NRG1: variants seen among roughly 807,000 people sequenced by gnomAD.
NRG1 encodes neuregulin 1.
NRG1 carries 18 observed loss-of-function variants against 63.8 expected under a neutral mutation model. The ratio of observed to expected loss-of-function variants is 0.28; its 90% CI spans 0.19 to 0.42. NRG1 has a LOEUF of 0.42. Among genes scored for constraint, NRG1 ranks in the 10% least tolerant of loss-of-function variants. The pLI, the probability that NRG1 is intolerant of heterozygous loss-of-function variation, is 1.00. For missense variants in NRG1, 762 were observed against 814.7 expected (o/e 0.94, Z 0.79); for synonymous variants, 302 against 301.3 (o/e 1.00, Z -0.02).
intron 1 of NRG1, among the ~76,000 whole-genome samples, chr8:32,219,362 G>A (rs572181981): frequency 2.0e-5 from 3 of 152,142 alleles, no homozygotes; most frequent in African/African-American, 4.8e-5. Flanking sequence ...CTGCATTCAG[G>A]TTTCAGGAGT....
At chr8:31,745,911 C>T (rs1431920663) in intron 1 of NRG1, among the ~76,000 whole-genome samples, 6 of 151,826 alleles carry the variant, frequency 4.0e-5, no homozygotes, top group South Asian at 2.1e-4. Context: ...AATCAATTGA[C>T]GTTATCAATC....
intron 1 of NRG1, among the ~76,000 whole-genome samples, chr8:32,516,260 T>C (rs1466737034): frequency 6.6e-6 from 1 of 152,146 alleles, no homozygotes; most frequent in Admixed American, 6.6e-5. Context: ...GTTCCATTGG[T>C]CTATGTGTCT....
intron 1 of NRG1, among the ~76,000 whole-genome samples, chr8:31,815,823 T>C (rs1823387893): frequency 6.6e-6 from 1 of 151,538 alleles, no homozygotes; most frequent in African/African-American, 2.4e-5. Flanking sequence ...CAGCCTAGTA[T>C]TTTTTTTTCT....
intron 1 of NRG1, among the ~76,000 whole-genome samples, chr8:31,677,764 C>A (rs1807875980): frequency 6.6e-6 from 1 of 152,152 alleles, no homozygotes; most frequent in Admixed American, 6.6e-5. Flanking sequence ...TCCACTAGAA[C>A]TCCTGGTTGG....
At chr8:32,500,082 C>A (rs1827681579) in intron 1 of NRG1, among the ~76,000 whole-genome samples, 1 of 152,176 alleles carries the variant, frequency 6.6e-6, no homozygotes, top group Non-Finnish European at 1.5e-5. Flanking sequence ...CAAAAACAAT[C>A]AAAGTATGTC....
chr8:32,107,252 A>T (rs1831407879), intron 1 of NRG1, among the ~76,000 whole-genome samples: 1 of 152,200 alleles, frequency 6.6e-6, no homozygotes, highest in African/African-American at 2.4e-5. Context: ...TATCGGAGAA[A>T]ACAATTGGGA....
chr8:32,041,192 G>C (rs1182941087), intron 1 of NRG1, among the ~76,000 whole-genome samples: 18 of 152,006 alleles, frequency 1.2e-4, no homozygotes, highest in Admixed American at 1.2e-3. Flanking sequence ...ACAACAAAAG[G>C]CTAAAATTTA....
chr8:32,352,930 C>A (rs1220291971), intron 1 of NRG1, among the ~76,000 whole-genome samples: 2 of 132,674 alleles, frequency 1.5e-5, no homozygotes, highest in Non-Finnish European at 3.2e-5. Flanking sequence ...GAGAGAGAGA[C>A]TATATATATG....
intron 1 of NRG1, among the ~76,000 whole-genome samples, chr8:31,964,955 G>T (rs1806070735): frequency 6.6e-6 from 1 of 152,126 alleles, no homozygotes; most frequent in African/African-American, 2.4e-5. Context: ...GAATAAAGCA[G>T]CATGACAGTG....
intron 1 of NRG1, among the ~76,000 whole-genome samples, chr8:31,984,477 T>C (rs1286768092): frequency 6.6e-6 from 1 of 152,082 alleles, no homozygotes; most frequent in East Asian, 1.9e-4. Flanking sequence ...GAACTTATCC[T>C]AAAGGCTGAG....
intron 1 of NRG1, among the ~76,000 whole-genome samples, chr8:32,543,144 T>C (rs562102436): frequency 1.2e-4 from 19 of 152,290 alleles, no homozygotes; most frequent in Non-Finnish European, 2.5e-4. Flanking sequence ...ATAAAATAAA[T>C]GGATACAAGG....
intron 1 of NRG1, among the ~76,000 whole-genome samples, chr8:31,858,998 A>G (rs1361026925): frequency 2.0e-5 from 3 of 152,240 alleles, no homozygotes; most frequent in Non-Finnish European, 4.4e-5. Flanking sequence ...ATCCTGAAGT[A>G]TAGATTTTTA....
intron 1 of NRG1, among the ~76,000 whole-genome samples, chr8:32,381,246 T>C (rs993773586): frequency 6.6e-6 from 1 of 152,218 alleles, no homozygotes; most frequent in Admixed American, 6.5e-5. Context: ...CACTCTTCCC[T>C]TGATCCTTGC....
At chr8:32,285,195 C>T (rs1046216001) in intron 1 of NRG1, among the ~76,000 whole-genome samples, 1 of 152,144 alleles carries the variant, frequency 6.6e-6, no homozygotes, top group African/African-American at 2.4e-5. Flanking sequence ...GCATTCTAAA[C>T]TGGAAAGGGC....
chr8:31,808,579 C>G (rs1822527903), intron 1 of NRG1, among the ~76,000 whole-genome samples: 1 of 151,854 alleles, frequency 6.6e-6, no homozygotes, highest in Non-Finnish European at 1.5e-5. Context: ...CTTCTTCCAT[C>G]TTTTTTAAAC....
intron 1 of NRG1, among the ~76,000 whole-genome samples, chr8:31,864,305 T>C (rs1162412709): frequency 2.0e-5 from 3 of 152,142 alleles, no homozygotes; most frequent in Admixed American, 6.5e-5. Flanking sequence ...AGAGCTTACC[T>C]CTTAGTGCAG....
chr8:31,785,591 A>G (rs1820094195), intron 1 of NRG1, among the ~76,000 whole-genome samples: 1 of 152,200 alleles, frequency 6.6e-6, no homozygotes, highest in Non-Finnish European at 1.5e-5. Flanking sequence ...TATGCATTAC[A>G]TTTGAGGTGT....
intron 11 of NRG1, chr8:32,763,229 T>C (rs1203243432): frequency 6.2e-7 from 1 of 1,613,894 alleles, no homozygotes; most frequent in African/African-American, 1.3e-5. Flanking sequence ...CATAACCTTA[T>C]AGCTGAGCTA....
intron 1 of NRG1, among the ~76,000 whole-genome samples, chr8:32,513,761 A>G (rs999372300): frequency 6.6e-6 from 1 of 152,200 alleles, no homozygotes; most frequent in African/African-American, 2.4e-5. Context: ...GAAATAGGAA[A>G]TAATCTGGCT....
Sources: allele counts gnomAD v4.1 joint callset (sites outside exome capture counted in the v4.1 genomes callset), GRCh38; gene constraint gnomAD v4.1.1; transcripts MANE v1.5; gene names NCBI Gene and HGNC (gene_info 2026-07-23, HGNC 2026-07-21).